TADA2A: variants seen among roughly 807,000 people sequenced by gnomAD.
TADA2A encodes the protein transcriptional adaptor 2A, also known as transcriptional adapter 2-alpha.
TADA2A carries 38 observed loss-of-function variants against 67.4 expected under a neutral mutation model. The ratio of observed to expected loss-of-function variants is 0.56; its 90% CI spans 0.44 to 0.74. TADA2A has a LOEUF of 0.74. TADA2A is among the 30% of genes least tolerant of loss of function. The pLI, the probability that TADA2A is intolerant of heterozygous loss-of-function variation, is 0.00. For missense variants in TADA2A, 454 were observed against 547.0 expected, an observed-to-expected ratio of 0.83 and a Z score of 1.70; for synonymous variants, 192 against 181.6, an observed-to-expected ratio of 1.06 and a Z score of -0.46.
intron 1 of TADA2A, among the ~76,000 whole-genome samples, chr17:37,409,411 G>C (rs999578999): frequency 2.0e-5 from 3 of 152,076 alleles, no homozygotes; most frequent in Non-Finnish European, 2.9e-5. Flanking sequence ...ATTTAGAAGT[G>C]GGGGAAAATA....
intron 8 of TADA2A, among the ~76,000 whole-genome samples, chr17:37,446,425 A>AG (rs1255596110): frequency 6.6e-6 from 1 of 151,924 alleles, no homozygotes; most frequent in Non-Finnish European, 1.5e-5. Flanking sequence ...TCTGCACAAA[A>AG]GGGGCAGCTT....
chr17:37,407,022 G>T, intron 1 of TADA2A, 73 bp downstream of exon 1: 1 of 147,782 alleles, frequency 6.8e-6, no homozygotes, highest in South Asian at 1.8e-4. Flanking sequence ...CGGGACTAGG[G>T]AGAAGCGGGG....
intron 4 of TADA2A, among the ~76,000 whole-genome samples, chr17:37,433,504 T>G (rs753947486): frequency 1.3e-5 from 2 of 151,080 alleles, no homozygotes; most frequent in Non-Finnish European, 3.0e-5. Context: ...CAGAAAAATT[T>G]AAAAATTAGG....
chr17:37,458,578 G>A lies in TADA2A; in HGVS notation c.659G>A (p.Arg220Lys). 1 of 1,612,780 alleles carries A rather than the reference G, an allele frequency of 6.2e-7. No homozygotes were observed. Among genetic ancestry groups the A allele is most frequent in the Non-Finnish European group, 8.5e-7 (1 of 1,179,466 alleles). Residue 220 changes from arginine (R) to lysine (K), a missense_variant, in exon 9 of 16, where the codon AGA (arginine) becomes AAA (lysine). Physicochemically the swap from Arg to Lys is conservative, Grantham distance 26. Coordinates refer to ENST00000615182, the MANE Select transcript of TADA2A (RefSeq NM_001166105.3). ...IYHSRLKERQ[R>K]RKKIIRDHGL... The stretch of plus-strand genomic sequence containing the variant: ...CATTCCAGGTTAAAGGAGAGACAAA[G>A]ACGAAAAAAGTAAGTATAAAAAACC...
In TADA2A at chr17:37,440,638, G is replaced by T. The variant is rs748319407; in HGVS notation, c.418G>T (p.Ala140Ser). ...GAAACAAGCAGAGGAAGCAAAAACT[G>T]CTGACACAGCCATTCCATTTCACTG... is the stretch of plus-strand genomic sequence containing the variant. ...NLKQAEEAKT[A>S]DTAIPFHSTD... Residue 140 changes from alanine to serine, a missense_variant, in exon 6 of 16, where the codon GCT becomes TCT. Ala to Ser is a moderately conservative substitution (Grantham distance 99, BLOSUM62 1). Coordinates refer to ENST00000615182, the MANE Select transcript of TADA2A (RefSeq NM_001166105.3). 2 of 1,614,190 alleles carry T rather than the reference G, an allele frequency of 1.2e-6. No individual in the cohort carries two copies. The highest frequency in any genetic ancestry group is 1.7e-6 in the Non-Finnish European group (2 of 1,180,026).
At chr17:37,426,905 T>G in intron 3 of TADA2A, 45 bp from the exon 4 acceptor site, 10 of 1,557,484 alleles carry the variant, frequency 6.4e-6, no homozygotes, top group Non-Finnish European at 7.8e-6. Context: ...TCCTCTGTCC[T>G]TTAAGAAAGT....
intron 4 of TADA2A, among the ~76,000 whole-genome samples, chr17:37,431,175 A>C (rs2052556744): frequency 6.6e-6 from 1 of 152,148 alleles, no homozygotes; most frequent in Non-Finnish European, 1.5e-5. Flanking sequence ...GATATACACA[A>C]GAGAGAATGA....
intron 4 of TADA2A, among the ~76,000 whole-genome samples, chr17:37,430,939 CTG>C (rs1360157183): frequency 6.6e-6 from 1 of 152,142 alleles, no homozygotes; most frequent in Non-Finnish European, 1.5e-5. Flanking sequence ...GATATAGACT[CTG>C]AAATTTCTCT....
At chr17:37,431,371 A>G (rs529879769) in intron 4 of TADA2A, among the ~76,000 whole-genome samples, 2 of 152,056 alleles carry the variant, frequency 1.3e-5, no homozygotes, top group South Asian at 2.1e-4. Flanking sequence ...GTATAGGCAT[A>G]GACTCCAAAA....
chr17:37,458,263 A>G (rs548095665), intron 8 of TADA2A, among the ~76,000 whole-genome samples: 2 of 152,248 alleles, frequency 1.3e-5, no homozygotes, highest in East Asian at 3.9e-4. Flanking sequence ...GATCTTATTC[A>G]TTTTTCTGAC....
At chr17:37,425,066 A>G (rs1481396531) in intron 3 of TADA2A, among the ~76,000 whole-genome samples, 1 of 151,394 alleles carries the variant, frequency 6.6e-6, no homozygotes, top group Non-Finnish European at 1.5e-5. Context: ...TTTTTGGTAG[A>G]GATGGGGTTT....
chr17:37,479,265 T>C lies in TADA2A; in HGVS notation c.*2283T>C, dbSNP rs922427918. On this transcript the variant is annotated 3_prime_UTR_variant, in exon 16 of 16. Transcript: ENST00000615182. ...AATGGTGCCAAGAGATTTATTTGGCTAGAACACAAGGGGCAGCTGGGTAGT... is the reference window on the plus strand; with the variant it reads ...AATGGTGCCAAGAGATTTATTTGGCCAGAACACAAGGGGCAGCTGGGTAGT... 3 of 152,188 alleles carry C rather than the reference T, an allele frequency of 2.0e-5. No homozygotes were observed. The highest frequency in any genetic ancestry group is 4.4e-5 in the Non-Finnish European group (3 of 68,028). 9.4% of individuals were successfully genotyped at this position (152,188 alleles called of 1,614,324 possible).
At position 37,419,037 on chromosome 17, in the gene TADA2A, T is replaced by G; in HGVS notation, c.26-4472T>G. ...TGACCCACAGAGCCCAGCCTCTACTTTTGTTGAATATATGTACTATATTAT... is the reference window on the plus strand; with the variant it reads ...TGACCCACAGAGCCCAGCCTCTACTGTTGTTGAATATATGTACTATATTAT... On this transcript the variant is annotated intron_variant, in intron 2 of 15. Transcript: ENST00000615182. Among the ~76,000 whole-genome samples the G allele has an allele frequency of 1.4e-5, 2 of 146,432 alleles. 1 individual carries two copies. The highest frequency in any genetic ancestry group is 1.4e-4 in the Admixed American group (2 of 14,498).
chr17:37,421,983 GTTC>G (rs981695012), intron 2 of TADA2A, among the ~76,000 whole-genome samples: 4 of 144,750 alleles, frequency 2.8e-5, no homozygotes, highest in South Asian at 4.6e-4. Flanking sequence ...GGTTCAAGCA[GTTC>G]TTCTGCCTCA....
In TADA2A at chr17:37,442,625, C is replaced by T; in HGVS notation, c.504C>T (p.Tyr168=). The T allele has an allele frequency of 6.2e-7, 1 of 1,613,998 alleles. No individual in the cohort carries two copies. The highest frequency in any genetic ancestry group is 1.1e-5 in the South Asian group (1 of 91,056). The change falls in exon 7 of 16, where the codon TAC becomes TAT. Residue 168 remains tyrosine, a synonymous_variant. Coordinates refer to ENST00000615182, the MANE Select transcript of TADA2A (RefSeq NM_001166105.3). ...TGCTTTCTCGGGACATGGCCGGGTA[C>T]ATGCCAGCTCGAGCAGATTTCATTG... is the stretch of plus-strand genomic sequence containing the variant. ...DSLLSRDMAG[Y]MPARADFIEE...
intron 3 of TADA2A, 43 bp downstream of exon 3, chr17:37,423,658 A>AT (rs751153191): frequency 1.4e-6 from 2 of 1,410,466 alleles, no homozygotes; most frequent in East Asian, 2.3e-5. Context: ...GTTTTATGCT[A>AT]TTTTTTATGA....
At chr17:37,450,063 G>C (rs1216656836) in intron 8 of TADA2A, among the ~76,000 whole-genome samples, 4 of 152,136 alleles carry the variant, frequency 2.6e-5, no homozygotes, top group Non-Finnish European at 4.4e-5. Flanking sequence ...ATTAACGATA[G>C]CTGATGAGCT....
intron 1 of TADA2A, among the ~76,000 whole-genome samples, chr17:37,410,482 C>T (rs1045145601): frequency 3.3e-5 from 5 of 151,860 alleles, no homozygotes; most frequent in African/African-American, 7.3e-5. Flanking sequence ...GGCCCTGTTA[C>T]GTACTTGTTG....
At chr17:37,411,838 A>T (rs1222855392) in intron 2 of TADA2A, among the ~76,000 whole-genome samples, 1 of 146,792 alleles carries the variant, frequency 6.8e-6, no homozygotes, top group African/African-American at 2.5e-5. Flanking sequence ...GGGAATTATG[A>T]GTATCAAAAT....
Sources: allele counts gnomAD v4.1 joint callset (sites outside exome capture counted in the v4.1 genomes callset), GRCh38; gene constraint gnomAD v4.1.1; transcripts MANE v1.5; gene names NCBI Gene and HGNC (gene_info 2026-07-23, HGNC 2026-07-21).